Variants in MTA2 observed in about 807,000 individuals in gnomAD.
MTA2 encodes metastasis-associated protein MTA2.
MTA2 carries 22 observed loss-of-function variants against 87.1 expected under a neutral mutation model. The observed-to-expected ratio is 0.25, with a 90% CI of 0.18 to 0.36. The LOEUF is 0.36. Ranked by LOEUF, MTA2 falls within the 10% of genes least tolerant of loss-of-function variation. The pLI, the probability that MTA2 is intolerant of heterozygous loss-of-function variation, is 1.00. For synonymous variants in MTA2, 314 were observed against 310.1 expected (o/e 1.01, Z -0.13); for missense variants, 542 against 853.2 (o/e 0.64, Z 4.54).
chr11:62,600,437 TG>T lies in MTA2; in HGVS notation c.97-179del, dbSNP rs1489581465. 3 of 800,530 alleles carry T rather than the reference TG, an allele frequency of 3.7e-6. No homozygotes were observed. The African/African-American group carries it at 5.2e-5, about 14-fold the overall frequency. The allele number at this position is 800,530 out of a possible 1,614,324, so 49.6% of individuals were successfully genotyped here. The stretch of plus-strand genomic sequence containing the variant: ...GATAGACTTCCAAATCCCTTTCCTT[TG>T]CCCCCAAGAGACAGAATAGTAAAGT... On this transcript the variant is annotated intron_variant, in intron 2 of 17. Coordinates refer to ENST00000278823, the MANE Select transcript of MTA2 (RefSeq NM_004739.4).
In MTA2 at chr11:62,600,229, C is replaced by A. The variant is rs763968851; in HGVS notation, c.127G>T (p.Val43Phe). The A allele has an allele frequency of 4.3e-6, 7 of 1,614,084 alleles. No homozygotes were observed. The South Asian group carries it at 7.7e-5, about 18-fold the overall frequency. Residue 43 changes from valine to phenylalanine, a missense_variant, in exon 3 of 18, where the codon GTC becomes TTC. Around this residue, in one of 6 missense-constraint regions of MTA2, gnomAD observed 150 missense variants for 243.9 expected, o/e 0.62. Coordinates refer to ENST00000278823, the MANE Select transcript of MTA2 (RefSeq NM_004739.4). ...ATGTCCCTGCGCCGGAAAAGACAGACAACCTTTGCCTCCACATTTCCATTT... is the reference window on the plus strand; with the variant it reads ...ATGTCCCTGCGCCGGAAAAGACAGAAAACCTTTGCCTCCACATTTCCATTT... ...TANGNVEAKV[V>F]CLFRRRDISS...
At position 62,596,267 on chromosome 11, in the gene MTA2, C is replaced by T; in HGVS notation, c.1016+12G>A. On this transcript the variant is annotated intron_variant, in intron 11 of 17. Transcript: ENST00000278823. ...GGAAAACACTCTGGTCTCCCCTACC[C>T]ACCACACTTACTAGGTGGGAATGTA... is the stretch of plus-strand genomic sequence containing the variant. 2 of 1,613,784 alleles carry T rather than the reference C, an allele frequency of 1.2e-6. No individual in the cohort carries two copies. Among genetic ancestry groups the T allele is most frequent in the Non-Finnish European group, 1.7e-6 (2 of 1,179,852 alleles).
At chr11:62,598,436 C>T in intron 4 of MTA2, 46 bp from the exon 5 acceptor site, 1 of 1,608,020 alleles carries the variant, frequency 6.2e-7, no homozygotes, top group Non-Finnish European at 8.5e-7. Context: ...CACTCTCCCT[C>T]CCCACAGCAT....
intron 2 of MTA2, 151 bp downstream of exon 2, chr11:62,600,471 A>G (rs1052138466): frequency 1.2e-6 from 1 of 848,882 alleles, no homozygotes; most frequent in Non-Finnish European, 1.8e-6. Flanking sequence ...AGTTCCTGCT[A>G]ACCTCTCAAT....
At chr11:62,597,239 CCCT>C (rs2134324878) in intron 8 of MTA2, 74 bp downstream of exon 8, 1 of 964,986 alleles carries the variant, frequency 1.0e-6, no homozygotes, top group African/African-American at 1.6e-5. Flanking sequence ...CTCAGAGATA[CCCT>C]CCTCTTCTGT....
intron 4 of MTA2, 39 bp downstream of exon 4, chr11:62,598,483 A>G: frequency 2.5e-6 from 4 of 1,607,024 alleles, no homozygotes; most frequent in Non-Finnish European, 3.4e-6. Context: ...TCTTCTACGT[A>G]AGTGCACGCA....
chr11:62,599,322 GGCTCCACCCCTCGCTTGTGT>G, intron 3 of MTA2: 1 of 152,500 alleles, frequency 6.6e-6, no homozygotes, highest in East Asian at 1.9e-4. Flanking sequence ...TTGTGCAGTA[GGCTCCACCCCTCGCTTGTGT>G]GCTCCGGAAA....
intron 5 of MTA2, 61 bp downstream of exon 5, chr11:62,598,266 C>T: frequency 6.3e-7 from 1 of 1,581,996 alleles, no homozygotes; most frequent in Non-Finnish European, 8.7e-7. Flanking sequence ...TGCTCCTTTC[C>T]CCCTCTCTTT....
At position 62,601,183 on chromosome 11, in the gene MTA2, C is replaced by G. The variant is rs982710634; in HGVS notation, c.28+240G>C. ...GGCCACTCCGTGCCCCGGGGAGCCCCTGACGCAGCCCCGAAAGTGCCGTCG... is the reference window on the plus strand; with the variant it reads ...GGCCACTCCGTGCCCCGGGGAGCCCGTGACGCAGCCCCGAAAGTGCCGTCG... On this transcript the variant is annotated intron_variant, in intron 1 of 17. Coordinates refer to ENST00000278823, the MANE Select transcript of MTA2 (RefSeq NM_004739.4). 3 of 559,332 alleles carry G rather than the reference C, an allele frequency of 5.4e-6. No homozygotes were observed. The African/African-American group carries it at 6.0e-5, about 11-fold the overall frequency. 34.6% of individuals were successfully genotyped at this position (559,332 alleles called of 1,614,324 possible). A position where few individuals can be genotyped will look rare whatever the true frequency, so the allele number is the denominator to read the frequency against.
At position 62,594,404 on chromosome 11, in the gene MTA2, C is replaced by A; in HGVS notation, c.1696G>T (p.Ala566Ser). 6.2e-7 allele frequency: 1 copy of A among 1,614,094 alleles called. No individual in the cohort carries two copies. Among genetic ancestry groups the A allele is most frequent in the Non-Finnish European group, 8.5e-7 (1 of 1,180,012 alleles). ...GCAGAGAAAGGAACCCCTGCCCCTG[C>A]CATCTGGAAAAGGGGTAGGATGGCA... ...IMVKRAYETMAGAGVPFSANG... is the reference protein window; with the variant it reads ...IMVKRAYETMSGAGVPFSANG... The change falls in exon 17 of 18, where the codon GCA becomes TCA. Residue 566 changes from alanine to serine, a missense_variant. Ala to Ser is a moderately conservative substitution (Grantham distance 99). This residue lies in a region of MTA2 where 269 missense variants were observed against 346.4 expected (regional missense o/e 0.78). Transcript: ENST00000278823.
chr11:62,593,755 C>A lies in MTA2; in HGVS notation c.*120G>T, dbSNP rs1052811120. On this transcript the variant is annotated 3_prime_UTR_variant, in exon 18 of 18. Transcript: ENST00000278823. ...CGCCCAACCCCTCCAGGGACACACA[C>A]TCACTTGCTCTCTTCCTTAATTCAC... 1 of 1,293,874 alleles carries A rather than the reference C, an allele frequency of 7.7e-7. No individual in the cohort carries two copies. Among genetic ancestry groups the A allele is most frequent in the African/African-American group, 1.5e-5 (1 of 67,602 alleles). 80.1% of individuals were successfully genotyped at this position (1,293,874 alleles called of 1,614,324 possible).
intron 5 of MTA2, 90 bp downstream of exon 5, chr11:62,598,237 A>G: frequency 1.9e-6 from 3 of 1,561,312 alleles, no homozygotes; most frequent in Non-Finnish European, 2.6e-6. Flanking sequence ...CAGTCTGGCA[A>G]CCCTGTACCT....
chr11:62,595,949 ATTC>A lies in MTA2; in HGVS notation c.1114+58_1115-59del, dbSNP rs1942092921. ...GAAGCATACTACCTAAGCCCCTCAG[ATTC>A]TTGAGCCACAGCAGGCCTTCCACCC... is the stretch of plus-strand genomic sequence containing the variant. On this transcript the variant is annotated intron_variant, in intron 12 of 17. Transcript: ENST00000278823. This position sits in a 1 kb window ranked among gnomAD's most constrained non-coding sequence, Gnocchi z 4.9. The A allele has an allele frequency of 6.2e-7, 1 of 1,614,026 alleles. No homozygotes were observed. Among genetic ancestry groups the A allele is most frequent in the East Asian group, 2.2e-5 (1 of 44,880 alleles).
chr11:62,598,715 G>C, intron 3 of MTA2, 76 bp from the exon 4 acceptor site: 2 of 1,315,376 alleles, frequency 1.5e-6, no homozygotes, highest in East Asian at 4.6e-5. Flanking sequence ...CTAACTCAGG[G>C]AAAATATTTC....
intron 6 of MTA2, 148 bp from the exon 7 acceptor site, chr11:62,597,860 CT>C: frequency 9.7e-7 from 1 of 1,029,108 alleles, no homozygotes; most frequent in Non-Finnish European, 1.5e-6. Context: ...CCCATTTTCC[CT>C]TTTCAGGTTC....
intron 3 of MTA2, 66 bp downstream of exon 3, chr11:62,600,100 C>A (rs1942156220): frequency 1.4e-6 from 2 of 1,452,774 alleles, no homozygotes; most frequent in Non-Finnish European, 1.9e-6. Context: ...AGGGGAAATA[C>A]CTGCAGGGAC....
Position 62,595,940 on chromosome 11 carries a change from G to T in MTA2, c.1115-49C>A, listed in dbSNP as rs1554963651. On this transcript the variant is annotated intron_variant, in intron 12 of 17. Transcript: ENST00000278823. The surrounding 1 kb of genome is among the most constrained non-coding windows in gnomAD (Gnocchi z 4.9). ...GACAGGGAAGAAGCATACTACCTAAGCCCCTCAGATTCTTGAGCCACAGCA... is the reference window on the plus strand; with the variant it reads ...GACAGGGAAGAAGCATACTACCTAATCCCCTCAGATTCTTGAGCCACAGCA... 1 of 1,613,992 alleles carries T rather than the reference G, an allele frequency of 6.2e-7. No individual in the cohort carries two copies. Among genetic ancestry groups the T allele is most frequent in the Non-Finnish European group, 8.5e-7 (1 of 1,179,946 alleles).
Position 62,597,343 on chromosome 11 carries a change from T to A in MTA2, c.666A>T (p.Ala222=), listed in dbSNP as rs780179851. 2.5e-6 allele frequency: 4 copies of A among 1,609,346 alleles called. No homozygotes were observed. The highest frequency in any genetic ancestry group is 3.4e-6 in the Non-Finnish European group (4 of 1,178,678). The part of the protein sequence containing the change: ...SIRQPSLHMS[A]AAASRDITLF... ...GAGTGATATCTCGGGAGGCAGCAGCTGCACTCATGTGCAAGCTTGGCTGCC... is the reference window on the plus strand; with the variant it reads ...GAGTGATATCTCGGGAGGCAGCAGCAGCACTCATGTGCAAGCTTGGCTGCC... Residue 222 remains alanine, a synonymous_variant, in exon 8 of 18, where the codon GCA becomes GCT. Transcript: ENST00000278823.
Position 62,593,652 on chromosome 11 carries a change from G to A in MTA2, c.*223C>T, listed in dbSNP as rs1942054397. On this transcript the variant is annotated 3_prime_UTR_variant, in exon 18 of 18. Coordinates refer to ENST00000278823, the MANE Select transcript of MTA2 (RefSeq NM_004739.4). ...CCAAAACAGGCTAGGTTCCCACATG[G>A]GCCAAGTTCCTGCAGTCTGTCCTCC... The A allele has an allele frequency of 1.8e-6, 1 of 546,978 alleles. No individual in the cohort carries two copies. Among genetic ancestry groups the A allele is most frequent in the African/African-American group, 1.9e-5 (1 of 51,862 alleles). The allele number at this position is 546,978 out of a possible 1,614,324, so 33.9% of individuals were successfully genotyped here. A position where few individuals can be genotyped will look rare whatever the true frequency, so the allele number is the denominator to read the frequency against.
Sources: gnomAD v4.1 joint callset for allele counts on GRCh38, gnomAD v4.1.1 for gene constraint, gnomAD v4.1.1 regional missense constraint, Gnocchi (gnomAD v3.1) non-coding constraint, MANE v1.5 for transcripts, NCBI Gene and HGNC (gene_info 2026-07-23, HGNC 2026-07-21) for gene names.